The following IPO4 variants were observed in gnomAD, a reference collection of about 807,000 sequenced individuals.
The protein encoded by IPO4 is importin-4.
In IPO4, 91 loss-of-function variants were observed where a neutral mutation model predicts 133.5. That is an observed-to-expected ratio of 0.68 (90% confidence interval 0.58 to 0.81). The LOEUF (loss-of-function observed/expected upper bound fraction) is 0.81, where lower values mean the gene tolerates loss of function less well. IPO4 is among the 30% of genes least tolerant of loss of function. IPO4 has a pLI of 0.00. For synonymous variants in IPO4, 607 were observed against 581.6 expected, an observed-to-expected ratio of 1.04 and a Z score of -0.63; for missense variants, 1,279 against 1,386.2, an observed-to-expected ratio of 0.92 and a Z score of 1.23.
intron 17 of IPO4, 78 bp downstream of exon 17, chr14:24,184,220 G>T: frequency 1.3e-6 from 2 of 1,552,798 alleles, no homozygotes. Flanking sequence ...TGGAGTCTGG[G>T]GTGGGGATTC....
At chr14:24,187,306 G>A in intron 6 of IPO4, 94 bp downstream of exon 6, 4 of 1,509,718 alleles carry the variant, frequency 2.6e-6, no homozygotes, top group Non-Finnish European at 3.7e-6. Context: ...GCCACAGGCA[G>A]GTAAAGAATC....
At chr14:24,188,159 A>C (rs2039253321) in intron 4 of IPO4, 57 bp downstream of exon 4, 2 of 1,568,486 alleles carry the variant, frequency 1.3e-6, no homozygotes, top group Non-Finnish European at 1.7e-6. Context: ...GCCGAAAAGG[A>C]AGGCAGAAAC....
chr14:24,181,427 G>A, intron 28 of IPO4, 86 bp downstream of exon 28: 4 of 1,082,126 alleles, frequency 3.7e-6, no homozygotes, highest in Non-Finnish European at 5.5e-6. Flanking sequence ...TGACAGCCTG[G>A]AGCTCCCGAG....
rs2039140006 is a variant in IPO4 at position 24,181,746 on chromosome 14, A to G, written c.2905T>C (p.Leu969=). The change falls in exon 27 of 30, where the codon TTG becomes CTG. Residue 969 remains leucine, a synonymous_variant. Coordinates refer to ENST00000354464, the MANE Select transcript of IPO4 (RefSeq NM_024658.4). ...GGTTTCCTGGTGGGACTGGCCATCA[A>G]CAGGCGGGCAAGTGCCCCACAGATG... ...DNICGALARL[L]MASPTRKPEP... is the part of the protein sequence containing the mutation. The G allele has an allele frequency of 6.2e-7, 1 of 1,602,222 alleles. No homozygotes were observed. Among genetic ancestry groups the G allele is most frequent in the Non-Finnish European group, 8.5e-7 (1 of 1,172,478 alleles).
At chr14:24,183,404 A>G in intron 21 of IPO4, 49 bp from the exon 22 acceptor site, 1 of 1,594,366 alleles carries the variant, frequency 6.3e-7, no homozygotes, top group Non-Finnish European at 8.6e-7. Flanking sequence ...CACCGTGAAC[A>G]CAGGGCCCCC....
At position 24,180,398 on chromosome 14, in the gene IPO4, C is replaced by G; in HGVS notation, c.*44G>C. On this transcript the variant is annotated 3_prime_UTR_variant, in exon 30 of 30. Transcript: ENST00000354464. ...ACTGGGCTGAGAGGTGGTCTTAAGG[C>G]CTGGGCAGGCTCTATTCTCTCTGGA... The G allele has an allele frequency of 6.3e-7, 1 of 1,585,874 alleles. No individual in the cohort carries two copies. The highest frequency in any genetic ancestry group is 8.6e-7 in the Non-Finnish European group (1 of 1,161,866).
chr14:24,184,593 G>T, intron 16 of IPO4, 57 bp downstream of exon 16: 1 of 1,448,130 alleles, frequency 6.9e-7, no homozygotes, highest in Non-Finnish European at 9.4e-7. Context: ...GTCAACACCA[G>T]GTGAGCACCA....
intron 6 of IPO4, 54 bp from the exon 7 acceptor site, chr14:24,187,204 C>G (rs1035762543): frequency 1.9e-6 from 3 of 1,586,782 alleles, no homozygotes; most frequent in Non-Finnish European, 1.7e-6. Flanking sequence ...ACCCCAGCAG[C>G]TGGCAGCTTC....
chr14:24,182,640 CTT>C, intron 24 of IPO4, 150 bp downstream of exon 24: 1 of 1,013,304 alleles, frequency 9.9e-7, no homozygotes, highest in Non-Finnish European at 1.6e-6. Context: ...CTCCCACTGG[CTT>C]AGTGGGATCA....
chr14:24,183,905 C>A lies in IPO4; in HGVS notation c.1870-7G>T. ...TGCTCCCGTCATACTGAGGCTGGAG[C>A]GGAGGCACGGCAAGGACTTTGGCTC... On this transcript the variant is annotated splice_polypyrimidine_tract_variant and splice_region_variant and intron_variant, in intron 18 of 29. Coordinates refer to ENST00000354464, the MANE Select transcript of IPO4 (RefSeq NM_024658.4). The A allele has an allele frequency of 6.2e-7, 1 of 1,613,880 alleles. No homozygotes were observed.
At chr14:24,184,581 C>G (rs897631074) in intron 16 of IPO4, 69 bp downstream of exon 16, 58 of 1,412,274 alleles carry the variant, frequency 4.1e-5, no homozygotes, top group Middle Eastern at 2.4e-4. Flanking sequence ...TGGGGGCAAT[C>G]TGTCAACACC....
Position 24,180,699 on chromosome 14 carries a change from CTTG to C in IPO4, c.3102_3104del (p.Asn1034del). ...GACTCCTACCCTCACCTGGTGGGAT[CTTG>C]TTGTCAGCCAGAATGAGGCTGCAGA... On this transcript the variant is annotated inframe_deletion, in exon 29 of 30. Coordinates refer to ENST00000354464, the MANE Select transcript of IPO4 (RefSeq NM_024658.4). 2 of 1,614,170 alleles carry C rather than the reference CTTG, an allele frequency of 1.2e-6. No individual in the cohort carries two copies. Among genetic ancestry groups the C allele is most frequent in the Non-Finnish European group, 1.7e-6 (2 of 1,180,022 alleles).
chr14:24,180,501 G>A lies in IPO4; in HGVS notation c.3187C>T (p.Leu1063=). ...GCCTTGTCAACAGGCAGTGAGCCCA[G>A]AGCTGCTTGAAAGCTGTCGGTGTGC... ...KQHTDSFQAA[L]GSLPVDKAQE... Residue 1063 remains leucine, a synonymous_variant, in exon 30 of 30, where the codon CTG becomes TTG. Coordinates refer to ENST00000354464, the MANE Select transcript of IPO4 (RefSeq NM_024658.4). The A allele has an allele frequency of 6.2e-7, 1 of 1,614,064 alleles. No homozygotes were observed. Among genetic ancestry groups the A allele is most frequent in the Non-Finnish European group, 8.5e-7 (1 of 1,179,966 alleles).
Position 24,180,450 on chromosome 14 carries a change from G to T in IPO4, c.3238C>A (p.Leu1080Ile). ...KAQELQAVLG[L>I]S ...TGGCTGCAGCCTGCAGTCTAGGAGA[G>T]GCCCAGTACAGCCTGGAGCTCCTGA... is the stretch of plus-strand genomic sequence containing the variant. Residue 1080 changes from leucine (L) to isoleucine (I), a missense_variant, in exon 30 of 30, where the codon CTC becomes ATC. Physicochemically the swap from Leu to Ile is conservative, Grantham distance 5. Coordinates refer to ENST00000354464, the MANE Select transcript of IPO4 (RefSeq NM_024658.4). The T allele has an allele frequency of 6.2e-7, 1 of 1,610,506 alleles. No individual in the cohort carries two copies. The highest frequency in any genetic ancestry group is 8.5e-7 in the Non-Finnish European group (1 of 1,177,606).
chr14:24,184,001 A>T lies in IPO4; in HGVS notation c.1866T>A (p.Ile622=). The change falls in exon 18 of 30, where the codon ATT becomes ATA. Residue 622 remains isoleucine (I), a synonymous_variant. Transcript: ENST00000354464. ...AGCCCACCCACCCTTTGCTCACCAC[A>T]ATGCCCTCGGTGGAACGCAGTGACA... ...MLLSLRSTEG[I]VPQYDGSSSF... is the part of the protein sequence containing the mutation. The T allele has an allele frequency of 8.1e-7, 1 of 1,236,348 alleles. No homozygotes were observed. The highest frequency in any genetic ancestry group is 1.1e-6 in the Non-Finnish European group (1 of 919,288). 76.6% of individuals were successfully genotyped at this position (1,236,348 alleles called of 1,614,324 possible).
rs867180682 is a variant in IPO4, at chr14:24,185,722, C to A, written c.1169+139G>T. 85 of 913,596 alleles carry A rather than the reference C, an allele frequency of 9.3e-5. 2 individuals carry two copies. The Middle Eastern group carries it at 4.9e-3, about 53-fold the overall frequency. The allele number at this position is 913,596 out of a possible 1,614,324, so 56.6% of individuals were successfully genotyped here. On this transcript the variant is annotated intron_variant, in intron 12 of 29. Coordinates refer to ENST00000354464, the MANE Select transcript of IPO4 (RefSeq NM_024658.4). The stretch of plus-strand genomic sequence containing the variant: ...GGTCCCTATAGCTGGTAAGCCATGT[C>A]ATTTATCTTCCAAGCCAGGACACTT...
Position 24,183,994 on chromosome 14 carries a change from TCAC to T in IPO4, c.1869+1_1869+3del, listed in dbSNP as rs2039181321. 5.8e-6 allele frequency: 5 copies of T among 859,312 alleles called. No individual in the cohort carries two copies. The highest frequency in any genetic ancestry group is 8.8e-6 in the Non-Finnish European group (5 of 570,860). 53.2% of individuals were successfully genotyped at this position (859,312 alleles called of 1,614,324 possible). On this transcript the variant is annotated splice_donor_variant and splice_donor_region_variant and intron_variant, in intron 18 of 29. Coordinates refer to ENST00000354464, the MANE Select transcript of IPO4 (RefSeq NM_024658.4). LOFTEE classifies it high-confidence loss of function. ...CTGGCCCAGCCCACCCACCCTTTGC[TCAC>T]CACAATGCCCTCGGTGGAACGCAGT...
chr14:24,183,584 G>A lies in IPO4; in HGVS notation c.2063+6C>T. Reference sequence around the variant, plus strand: ...TTTTCAGTGCCAGGGAAGGGCGAATGCTCACCTGGTGTTCACAGAGATCTC... The same window carrying A: ...TTTTCAGTGCCAGGGAAGGGCGAATACTCACCTGGTGTTCACAGAGATCTC... On this transcript the variant is annotated splice_donor_region_variant and intron_variant, in intron 20 of 29. Transcript: ENST00000354464. The A allele has an allele frequency of 6.2e-7, 1 of 1,614,148 alleles. No homozygotes were observed. Among genetic ancestry groups the A allele is most frequent in the Admixed American group, 1.7e-5 (1 of 60,020 alleles).
Position 24,186,388 on chromosome 14 carries a change from C to T in IPO4, c.904G>A (p.Glu302Lys). 1 of 1,612,644 alleles carries T rather than the reference C, an allele frequency of 6.2e-7. No individual in the cohort carries two copies. Among genetic ancestry groups the T allele is most frequent in the Non-Finnish European group, 8.5e-7 (1 of 1,179,190 alleles). ...GGATCCAACTGGCCTGGTGGGGGCT[C>T]AGCAGCCACAATGGGGAAAAGGGTG... is the stretch of plus-strand genomic sequence containing the variant. Reference protein sequence around the residue: ...LHTLFPIVAAEPPPGQLDPED... With the variant: ...LHTLFPIVAAKPPPGQLDPED... Residue 302 changes from glutamate to lysine, a missense_variant, in exon 10 of 30, where the codon GAG (glutamate) becomes AAG (lysine). By Grantham distance (56) the Glu-to-Lys change is moderately conservative. Coordinates refer to ENST00000354464, the MANE Select transcript of IPO4 (RefSeq NM_024658.4).
Sources: gnomAD v4.1 joint callset for allele counts on GRCh38, gnomAD v4.1.1 for gene constraint, MANE v1.5 for transcripts, NCBI Gene and HGNC (gene_info 2026-07-23, HGNC 2026-07-21) for gene names.